The following AP3B1 variants were observed in gnomAD, a reference collection of about 807,000 sequenced individuals.
The protein encoded by AP3B1 is AP-3 complex subunit beta-1.
Under a neutral mutation model 132.5 loss-of-function variants are expected in AP3B1, and 61 were observed. That is an observed-to-expected ratio of 0.46 (90% confidence interval 0.37 to 0.57). The LOEUF is 0.57. AP3B1 is among the 20% of genes least tolerant of loss of function. The pLI, the probability that AP3B1 is intolerant of heterozygous loss-of-function variation, is 0.00. For synonymous variants in AP3B1, 388 were observed against 438.3 expected, an observed-to-expected ratio of 0.89 and a Z score of 1.43; for missense variants, 1,120 against 1,289.4, an observed-to-expected ratio of 0.87 and a Z score of 2.01.
At chr5:78,291,420 G>GA (rs5868911) in intron 1 of AP3B1, among the ~76,000 whole-genome samples, 42,996 of 85,418 alleles carry the variant, frequency 0.5, 11,117 homozygotes, top group Admixed American at 0.58. Context: ...CAGATAATTT[G>GA]AAAAAAAAAA....
At chr5:78,187,702 T>C (rs569066900) in intron 7 of AP3B1, among the ~76,000 whole-genome samples, 25 of 152,252 alleles carry the variant, frequency 1.6e-4, no homozygotes, top group African/African-American at 5.3e-4. Flanking sequence ...TAAACTACCA[T>C]TGACATTCTT....
At chr5:78,260,374 G>A (rs1255097520) in intron 2 of AP3B1, among the ~76,000 whole-genome samples, 1 of 151,672 alleles carries the variant, frequency 6.6e-6, no homozygotes, top group Non-Finnish European at 1.5e-5. Flanking sequence ...ATCACCAGAG[G>A]TCAGATCACC....
At chr5:78,176,789 G>C (rs993355846) in intron 9 of AP3B1, among the ~76,000 whole-genome samples, 1 of 152,128 alleles carries the variant, frequency 6.6e-6, no homozygotes, top group African/African-American at 2.4e-5. Context: ...CTGTCTATCT[G>C]AAACTAAGAG....
At chr5:78,256,252 ACAAAATTGACAAAC>A (rs1309705953) in intron 2 of AP3B1, among the ~76,000 whole-genome samples, 1 of 152,094 alleles carries the variant, frequency 6.6e-6, no homozygotes, top group East Asian at 1.9e-4. Flanking sequence ...GAAAAGTTAA[ACAAAATTGACAAAC>A]CATCAGCCAG....
At chr5:78,288,471 C>A (rs977306602) in intron 1 of AP3B1, among the ~76,000 whole-genome samples, 3 of 152,182 alleles carry the variant, frequency 2.0e-5, no homozygotes, top group Non-Finnish European at 4.4e-5. Context: ...TCCATACCTA[C>A]ATGACAATTC....
rs2112298805 is a variant in AP3B1 at position 78,128,145 on chromosome 5, T to C, written c.1853A>G (p.Gln618Arg). ...ESPFKDRDHF[Q>R]LGTLSHTLNI... Reference sequence around the variant, plus strand: ...GAGAGTATGAGATAAGGTGCCAAGCTGGAAATGATCTCTATCTATTAAAAA... The same window carrying C: ...GAGAGTATGAGATAAGGTGCCAAGCCGGAAATGATCTCTATCTATTAAAAA... The change falls in exon 17 of 27, where the codon CAG becomes CGG. Residue 618 changes from glutamine (Q) to arginine (R), a missense_variant. This residue lies in a region of AP3B1 where 906 missense variants were observed against 997.1 expected (regional missense o/e 0.91). Coordinates refer to ENST00000255194, the MANE Select transcript of AP3B1 (RefSeq NM_003664.5). The C allele has an allele frequency of 1.2e-6, 2 of 1,607,420 alleles. No individual in the cohort carries two copies. Among genetic ancestry groups the C allele is most frequent in the Non-Finnish European group, 1.7e-6 (2 of 1,174,260 alleles).
intron 7 of AP3B1, among the ~76,000 whole-genome samples, chr5:78,211,424 T>C (rs1311144160): frequency 6.6e-6 from 1 of 152,220 alleles, no homozygotes; most frequent in Non-Finnish European, 1.5e-5. Context: ...TGATCTATAA[T>C]GATGCAAATA....
chr5:78,238,990 A>G (rs1746998309), intron 3 of AP3B1, among the ~76,000 whole-genome samples: 1 of 151,230 alleles, frequency 6.6e-6, no homozygotes, highest in African/African-American at 2.4e-5. Flanking sequence ...ATAAAAAGAA[A>G]TGAGAAGGTT....
chr5:78,167,988 A>G (rs1580434568), intron 11 of AP3B1, among the ~76,000 whole-genome samples: 1 of 145,658 alleles, frequency 6.9e-6, no homozygotes, highest in Non-Finnish European at 1.5e-5. Context: ...GTAACCAAAC[A>G]CCACCTGTTC....
At chr5:78,051,826 AAC>A (rs1376400106) in intron 22 of AP3B1, among the ~76,000 whole-genome samples, 7 of 152,168 alleles carry the variant, frequency 4.6e-5, no homozygotes, top group Non-Finnish European at 5.9e-5. Flanking sequence ...AATAGCTATA[AAC>A]AGAGGCACAG....
At chr5:78,118,711 GAGGCC>G (rs1751990426) in intron 17 of AP3B1, among the ~76,000 whole-genome samples, 1 of 152,228 alleles carries the variant, frequency 6.6e-6, no homozygotes. Flanking sequence ...ACAGCTCAAG[GAGGCC>G]TGCCTGCCTC....
chr5:78,086,723 C>A (rs1227482503), intron 22 of AP3B1, among the ~76,000 whole-genome samples: 3 of 152,210 alleles, frequency 2.0e-5, no homozygotes, highest in African/African-American at 7.2e-5. Flanking sequence ...CACAAAAGCT[C>A]TGTTTCCTAC....
intron 2 of AP3B1, among the ~76,000 whole-genome samples, chr5:78,244,838 T>C (rs1747305930): frequency 6.6e-6 from 1 of 151,778 alleles, no homozygotes; most frequent in Non-Finnish European, 1.5e-5. Context: ...CTACTAAAAA[T>C]ACAAAAATTA....
intron 1 of AP3B1, among the ~76,000 whole-genome samples, chr5:78,268,817 A>T (rs1230570640): frequency 6.6e-6 from 1 of 152,222 alleles, no homozygotes; most frequent in Non-Finnish European, 1.5e-5. Context: ...TAATATAGGA[A>T]GAGAAACTAA....
intron 22 of AP3B1, among the ~76,000 whole-genome samples, chr5:78,084,482 C>T (rs1035128699): frequency 8.5e-5 from 11 of 129,172 alleles, no homozygotes; most frequent in African/African-American, 3.4e-4. Context: ...CAAGATCACA[C>T]CAATGTACTC....
intron 14 of AP3B1, among the ~76,000 whole-genome samples, chr5:78,148,139 C>T (rs1753495116): frequency 6.6e-6 from 1 of 152,220 alleles, no homozygotes; most frequent in South Asian, 2.1e-4. Context: ...AGAAAGTTTT[C>T]TTCCAAGAAA....
intron 6 of AP3B1, among the ~76,000 whole-genome samples, chr5:78,217,502 G>A (rs1239409985): frequency 6.6e-6 from 1 of 151,964 alleles, no homozygotes; most frequent in East Asian, 1.9e-4. Context: ...ATATAAAAAT[G>A]TATTATATAT....
chr5:78,199,334 C>T (rs1745198392), intron 7 of AP3B1, among the ~76,000 whole-genome samples: 1 of 152,054 alleles, frequency 6.6e-6, no homozygotes, highest in Non-Finnish European at 1.5e-5. Flanking sequence ...GCTCATGAAA[C>T]ATGTTGAACT....
chr5:78,156,510 G>A (rs1352829427), intron 13 of AP3B1, 143 bp from the exon 14 acceptor site: 4 of 667,466 alleles, frequency 6.0e-6, no homozygotes, highest in East Asian at 5.5e-5. Context: ...AACCATGAGT[G>A]CGCTTCCAAA....
Sources: allele counts gnomAD v4.1 joint callset (sites outside exome capture counted in the v4.1 genomes callset), GRCh38; gene constraint gnomAD v4.1.1; regional missense constraint gnomAD v4.1.1; transcripts MANE v1.5; gene names NCBI Gene and HGNC (gene_info 2026-07-23, HGNC 2026-07-21).